MCC: variants seen among roughly 807,000 people sequenced by gnomAD.
The protein encoded by MCC is MCC regulator of Wnt signaling pathway.
Under a neutral mutation model 116.2 loss-of-function variants are expected in MCC, and 90 were observed. The observed-to-expected ratio is 0.77, with a 90% CI of 0.65 to 0.92. The LOEUF (loss-of-function observed/expected upper bound fraction) is 0.92. MCC is among the 40% of genes least tolerant of loss of function. MCC has a pLI of 0.00. For missense variants in MCC, 1,516 were observed against 1,312.2 expected (o/e 1.16, Z -2.40); for synonymous variants, 578 against 510.5 (o/e 1.13, Z -1.78).
intron 2 of MCC, among the ~76,000 whole-genome samples, chr5:113,367,244 G>A (rs552381331): frequency 6.5e-4 from 99 of 152,024 alleles, no homozygotes; most frequent in African/African-American, 2.4e-3. Context: ...CAGATAAGCC[G>A]AGTTTTTTTT....
intron 2 of MCC, among the ~76,000 whole-genome samples, chr5:113,350,888 A>C (rs1028714165): frequency 2.0e-5 from 3 of 152,152 alleles, no homozygotes; most frequent in African/African-American, 7.2e-5. Context: ...ATATGAATAG[A>C]GATTTCTTAA....
intron 3 of MCC, among the ~76,000 whole-genome samples, chr5:113,173,071 G>A (rs1761155747): frequency 6.6e-6 from 1 of 152,214 alleles, no homozygotes; most frequent in Middle Eastern, 3.4e-3. Flanking sequence ...CAGATACACT[G>A]CAAATACTCT....
intron 5 of MCC, 44 bp from the exon 6 acceptor site, chr5:113,122,870 G>A (rs1461492095): frequency 2.5e-6 from 4 of 1,592,248 alleles, no homozygotes; most frequent in East Asian, 4.5e-5. Context: ...GAGGATATAA[G>A]ACAACCCCCT....
chr5:113,362,169 A>C (rs1768564944), intron 2 of MCC, among the ~76,000 whole-genome samples: 1 of 152,072 alleles, frequency 6.6e-6, no homozygotes, highest in South Asian at 2.1e-4. Flanking sequence ...TATTTTATTT[A>C]TTTATTTTTG....
intron 2 of MCC, among the ~76,000 whole-genome samples, chr5:113,357,711 A>G (rs1035130123): frequency 2.0e-5 from 3 of 152,200 alleles, no homozygotes; most frequent in Non-Finnish European, 4.4e-5. Flanking sequence ...ACTACTGGTA[A>G]CGGAAGAACG....
chr5:113,209,040 T>G (rs1191957419), intron 3 of MCC, among the ~76,000 whole-genome samples: 1 of 152,222 alleles, frequency 6.6e-6, no homozygotes, highest in Non-Finnish European at 1.5e-5. Context: ...TGATACAGGC[T>G]ATCTCTTAAA....
chr5:113,333,450 G>C (rs574671306), intron 3 of MCC, among the ~76,000 whole-genome samples: 1 of 151,562 alleles, frequency 6.6e-6, no homozygotes, highest in South Asian at 2.1e-4. Context: ...TGCTATGTCA[G>C]TTTTTTAATT....
intron 6 of MCC, among the ~76,000 whole-genome samples, chr5:113,114,811 C>G (rs1013455788): frequency 6.6e-6 from 1 of 152,184 alleles, no homozygotes. Context: ...GCTCCCCTTC[C>G]TGCTGAGAGC....
chr5:113,280,066 G>C (rs531850200), intron 3 of MCC, among the ~76,000 whole-genome samples: 2 of 152,216 alleles, frequency 1.3e-5, no homozygotes, highest in East Asian at 1.9e-4. Flanking sequence ...GCTTCCATTC[G>C]GCCTCCACAC....
chr5:113,442,483 G>A (rs1771070758), intron 1 of MCC, among the ~76,000 whole-genome samples: 1 of 152,180 alleles, frequency 6.6e-6, no homozygotes, highest in Non-Finnish European at 1.5e-5. Context: ...CTTTTGCCCT[G>A]CAGAAGCTCT....
rs374467859 is a variant in MCC, at chr5:113,433,770, G to C, written c.171-48558C>G. On this transcript the variant is annotated intron_variant, in intron 1 of 18. Transcript: ENST00000408903. Reference sequence around the variant, plus strand: ...CCGCGTCTCTGGAGGCTGTTGGGGGGGCCCTTCCTCTGTCTCCATAGTCGA... The same window carrying C: ...CCGCGTCTCTGGAGGCTGTTGGGGGCGCCCTTCCTCTGTCTCCATAGTCGA... 152 of 1,613,706 alleles carry C rather than the reference G, an allele frequency of 9.4e-5. No homozygotes were observed. Among genetic ancestry groups the C allele is most frequent in the Non-Finnish European group, 1.2e-4 (145 of 1,179,826 alleles).
intron 3 of MCC, among the ~76,000 whole-genome samples, chr5:113,319,058 G>A (rs1471788642): frequency 1.3e-5 from 2 of 152,006 alleles, no homozygotes; most frequent in South Asian, 2.1e-4. Flanking sequence ...TTATAGAGAC[G>A]GAGTTTTGCC....
chr5:113,292,574 T>C (rs1375341842), intron 3 of MCC, among the ~76,000 whole-genome samples: 1 of 148,998 alleles, frequency 6.7e-6, no homozygotes, highest in Non-Finnish European at 1.5e-5. Context: ...TGGATACAAC[T>C]AGGCAAAAAA....
At chr5:113,117,740 T>C (rs965485144) in intron 6 of MCC, among the ~76,000 whole-genome samples, 1 of 152,234 alleles carries the variant, frequency 6.6e-6, no homozygotes, top group African/African-American at 2.4e-5. Flanking sequence ...TGCTGTAACA[T>C]GCAGGATGCA....
intron 3 of MCC, among the ~76,000 whole-genome samples, chr5:113,262,153 G>A (rs765956807): frequency 3.2e-4 from 49 of 151,774 alleles, no homozygotes; most frequent in Non-Finnish European, 1.0e-4. Flanking sequence ...AAGGTTCCCC[G>A]AAACAAATGC....
intron 1 of MCC, among the ~76,000 whole-genome samples, chr5:113,391,669 T>C (rs1209954733): frequency 1.3e-5 from 2 of 151,834 alleles, no homozygotes; most frequent in African/African-American, 4.8e-5. Context: ...CAGCGAGCTA[T>C]GATTGTACTA....
At position 113,275,198 on chromosome 5, in the gene MCC, C is replaced by T. The variant is rs114985851; in HGVS notation, c.627+65321G>A. On this transcript the variant is annotated intron_variant, in intron 3 of 18. Coordinates refer to ENST00000408903, the MANE Select transcript of MCC (RefSeq NM_001085377.2). ...CCTGAAGCTACAAGCAGCCCCTCCT[C>T]CATTGTGCTACAAAAATAGTAACTC... is the stretch of plus-strand genomic sequence containing the variant. Among the ~76,000 whole-genome samples the T allele has an allele frequency of 5.5e-3, 831 of 152,326 alleles. 7 individuals are homozygous for T. Among genetic ancestry groups the T allele is most frequent in the African/African-American group, 0.019 (794 of 41,570 alleles).
At chr5:113,148,200 C>T (rs1759640853) in intron 4 of MCC, among the ~76,000 whole-genome samples, 1 of 152,242 alleles carries the variant, frequency 6.6e-6, no homozygotes. Context: ...AATGTTGATG[C>T]ATGTCTGTGC....
chr5:113,394,736 T>C (rs1357041924), intron 1 of MCC, among the ~76,000 whole-genome samples: 1 of 152,250 alleles, frequency 6.6e-6, no homozygotes, highest in African/African-American at 2.4e-5. Flanking sequence ...AGCTCTTCAG[T>C]ATCTTATCAA....
Sources: gnomAD v4.1 joint callset for allele counts (sites outside exome capture counted in the v4.1 genomes callset) on GRCh38, gnomAD v4.1.1 for gene constraint, MANE v1.5 for transcripts, NCBI Gene and HGNC (gene_info 2026-07-23, HGNC 2026-07-21) for gene names.